Variants in CEP350 observed in about 807,000 individuals in gnomAD.
CEP350 encodes the protein centrosome-associated protein 350.
Under a neutral mutation model 331.8 loss-of-function variants are expected in CEP350, and 126 were observed. The ratio of observed to expected loss-of-function variants is 0.38; its 90% confidence interval spans 0.33 to 0.44. CEP350 has a LOEUF of 0.44. Ranked by LOEUF, CEP350 falls within the 20% of genes least tolerant of loss-of-function variation. CEP350 has a pLI of 1.00. For missense variants in CEP350, 3,406 were observed against 3,634.6 expected, an observed-to-expected ratio of 0.94 and a Z score of 1.62; for synonymous variants, 1,200 against 1,259.5, an observed-to-expected ratio of 0.95 and a Z score of 1.00.
intron 16 of CEP350, among the ~76,000 whole-genome samples, chr1:180,035,068 C>T (rs1656261196): frequency 6.6e-6 from 1 of 152,116 alleles, no homozygotes; most frequent in African/African-American, 2.4e-5. Context: ...ACAAAATAGC[C>T]TTATTGCTGA....
chr1:180,092,960 G>T lies in CEP350; in HGVS notation c.6855G>T (p.Leu2285=), dbSNP rs1465477622. 1.3e-6 allele frequency: 2 copies of T among 1,597,550 alleles called. No individual in the cohort carries two copies. The highest frequency in any genetic ancestry group is 1.7e-6 in the Non-Finnish European group (2 of 1,170,704). The change falls in exon 34 of 38, where the codon CTG becomes CTT. Residue 2285 remains leucine, a synonymous_variant. Transcript: ENST00000367607. ...AAGAAGGTAAATCTGATGTCTTACT[G>T]AAATTAGTCCTAGAACAGGGAGATT... ...FSKEGKSDVL[L]KLVLEQGDSS...
intron 5 of CEP350, among the ~76,000 whole-genome samples, chr1:179,992,791 T>C (rs1653188894): frequency 6.6e-6 from 1 of 152,174 alleles, no homozygotes; most frequent in African/African-American, 2.4e-5. Flanking sequence ...GCTTAAGATA[T>C]TCAACTGATA....
chr1:179,991,187 G>T (rs1314398533), intron 4 of CEP350, among the ~76,000 whole-genome samples: 1 of 151,216 alleles, frequency 6.6e-6, no homozygotes, highest in African/African-American at 2.4e-5. Context: ...TTGACTTAAC[G>T]TATATTTTTC....
At position 180,090,750 on chromosome 1, in the gene CEP350, G is replaced by A. The variant is rs572363174; in HGVS notation, c.6462G>A (p.Glu2154=). ...ETAKNWKSLT[E]SERSRGSLES... ...CAAAGAATTGGAAATCACTAACAGA[G>A]TCAGAACGTTCCAGAGGATCCCTGG... Residue 2154 remains glutamate, a synonymous_variant, in exon 33 of 38, where the codon GAG becomes GAA. Coordinates refer to ENST00000367607, the MANE Select transcript of CEP350 (RefSeq NM_014810.5). 2 of 1,553,784 alleles carry A rather than the reference G, an allele frequency of 1.3e-6. No homozygotes were observed. Among genetic ancestry groups the A allele is most frequent in the East Asian group, 2.4e-5 (1 of 41,648 alleles).
intron 6 of CEP350, 99 bp downstream of exon 6, chr1:179,997,274 G>GT: frequency 7.2e-7 from 1 of 1,389,918 alleles, no homozygotes; most frequent in Non-Finnish European, 9.8e-7. Flanking sequence ...AGAACAGGAT[G>GT]TTATTCTTGA....
chr1:179,996,640 T>G lies in CEP350; in HGVS notation c.483T>G (p.Thr161=). Residue 161 remains threonine (T), a synonymous_variant, in exon 6 of 38, where the codon ACT becomes ACG. Transcript: ENST00000367607. The part of the protein sequence containing the change: ...VYCVDVNEEK[T]ESGNWMIGSR... ...GTGTAGATGTTAATGAAGAAAAGAC[T>G]GAGAGCGGTAACTGGATGATAGGCA... 8 of 1,612,308 alleles carry G rather than the reference T, an allele frequency of 5.0e-6. No individual in the cohort carries two copies. Among genetic ancestry groups the G allele is most frequent in the Non-Finnish European group, 6.8e-6 (8 of 1,179,200 alleles).
intron 25 of CEP350, among the ~76,000 whole-genome samples, chr1:180,058,583 T>A (rs1024532077): frequency 6.6e-6 from 1 of 152,138 alleles, no homozygotes; most frequent in African/African-American, 2.4e-5. Context: ...GAGATTGGCA[T>A]GGAGTTTGGT....
chr1:179,988,409 A>G (rs1433114195), intron 3 of CEP350, among the ~76,000 whole-genome samples: 1 of 152,162 alleles, frequency 6.6e-6, no homozygotes, highest in Non-Finnish European at 1.5e-5. Flanking sequence ...TAGACTGTGA[A>G]TTATTCTTCC....
chr1:179,959,469 T>C (rs1241568803), intron 1 of CEP350, among the ~76,000 whole-genome samples: 1 of 150,596 alleles, frequency 6.6e-6, no homozygotes, highest in African/African-American at 2.5e-5. Flanking sequence ...ACAAAACTTT[T>C]GTTGGCTGGG....
intron 1 of CEP350, among the ~76,000 whole-genome samples, chr1:179,972,728 G>A (rs1651546100): frequency 6.6e-6 from 1 of 151,982 alleles, no homozygotes; most frequent in African/African-American, 2.4e-5. Context: ...GGTCAAGTAG[G>A]TTGAGGATTG....
intron 25 of CEP350, among the ~76,000 whole-genome samples, chr1:180,057,845 T>A (rs1314813604): frequency 6.6e-6 from 1 of 152,150 alleles, no homozygotes; most frequent in Non-Finnish European, 1.5e-5. Flanking sequence ...AGATAATACT[T>A]TTTACTCAGC....
chr1:180,079,169 G>A (rs572685361), intron 29 of CEP350, among the ~76,000 whole-genome samples: 23 of 146,528 alleles, frequency 1.6e-4, no homozygotes, highest in African/African-American at 5.7e-4. Flanking sequence ...CCTTAATCGT[G>A]TACTTTATAG....
In CEP350 at chr1:180,020,841, AAT is replaced by A; in HGVS notation, c.3069_3070del (p.Asn1023LysfsTer3). 1 of 1,613,396 alleles carries A rather than the reference AAT, an allele frequency of 6.2e-7. No individual in the cohort carries two copies. The highest frequency in any genetic ancestry group is 8.5e-7 in the Non-Finnish European group (1 of 1,179,794). ...KEKEFCPGER[N>X]SYEPIKEFQK... ...AAAGGAATTTTGTCCTGGAGAAAGA[AAT>A]AGTTATGAACCCATCAAAGAGTTTC... On this transcript the variant is annotated frameshift_variant, in exon 12 of 38. Coordinates refer to ENST00000367607, the MANE Select transcript of CEP350 (RefSeq NM_014810.5). LOFTEE classifies it high-confidence loss of function.
At chr1:180,018,860 T>TC (rs1359628434) in intron 11 of CEP350, among the ~76,000 whole-genome samples, 73 of 150,650 alleles carry the variant, frequency 4.8e-4, no homozygotes, top group African/African-American at 1.5e-3. Flanking sequence ...TTTCTTTCTT[T>TC]TTTTTTTTTT....
At chr1:180,041,116 A>T in intron 17 of CEP350, 22 bp from the exon 18 acceptor site, 1 of 1,532,822 alleles carries the variant, frequency 6.5e-7, no homozygotes, top group Non-Finnish European at 8.9e-7. Flanking sequence ...CTGAGAATTA[A>T]CATTTGACCA....
chr1:179,957,118 G>C (rs1379650715), intron 1 of CEP350, among the ~76,000 whole-genome samples: 1 of 152,026 alleles, frequency 6.6e-6, no homozygotes, highest in African/African-American at 2.4e-5. Flanking sequence ...GATTATTAAA[G>C]TGTAGTTCAT....
rs1650107375 is a variant in CEP350, at chr1:179,955,513, G to A, written c.-14+371G>A. On this transcript the variant is annotated intron_variant, in intron 1 of 37. Transcript: ENST00000367607. Reference sequence around the variant, plus strand: ...GGAGATTCCGGGGACTGGCTCCAGTGGCAGGGATGATCAGTTTCTGTTCCT... The same window carrying A: ...GGAGATTCCGGGGACTGGCTCCAGTAGCAGGGATGATCAGTTTCTGTTCCT... Among the ~76,000 whole-genome samples, 4 of 152,200 alleles carry A rather than the reference G, an allele frequency of 2.6e-5. No homozygotes were observed. In the South Asian group the frequency reaches 8.3e-4, roughly 32 times the overall value.
chr1:180,101,346 C>A (rs74619430), intron 37 of CEP350, among the ~76,000 whole-genome samples: 5,392 of 152,000 alleles, frequency 0.035, 178 homozygotes, highest in African/African-American at 0.072. Context: ...ACAAGAAATG[C>A]TAAATGAACT....
intron 4 of CEP350, among the ~76,000 whole-genome samples, chr1:179,991,671 G>A (rs1377029315): frequency 1.1e-5 from 1 of 91,808 alleles, no homozygotes; most frequent in Non-Finnish European, 2.3e-5. Context: ...ATATATATGT[G>A]TGTGTGTGTG....
Sources: gnomAD v4.1 joint callset for allele counts (sites outside exome capture counted in the v4.1 genomes callset) on GRCh38, gnomAD v4.1.1 for gene constraint, MANE v1.5 for transcripts, NCBI Gene and HGNC (gene_info 2026-07-23, HGNC 2026-07-21) for gene names.